Variants in SGCZ observed in about 807,000 individuals in gnomAD.
SGCZ encodes zeta-sarcoglycan.
In SGCZ, 40 loss-of-function variants were observed where a neutral mutation model predicts 41.3. The ratio of observed to expected loss-of-function variants is 0.97; its 90% CI spans 0.75 to 1.26. The LOEUF is 1.26. SGCZ is among the 50% of genes most tolerant of loss of function. The pLI is 0.00. For missense variants in SGCZ, 552 were observed against 369.8 expected (o/e 1.49, Z -4.04); for synonymous variants, 206 against 137.5 (o/e 1.50, Z -3.49).
chr8:14,477,927 G>C (rs1459123988), intron 2 of SGCZ, among the ~76,000 whole-genome samples: 1 of 152,114 alleles, frequency 6.6e-6, no homozygotes, highest in Admixed American at 6.5e-5. Flanking sequence ...TAGACTTTAA[G>C]GAACTCACTA....
At chr8:14,478,192 G>C (rs1413678776) in intron 2 of SGCZ, among the ~76,000 whole-genome samples, 3 of 152,178 alleles carry the variant, frequency 2.0e-5, no homozygotes, top group African/African-American at 7.2e-5. Flanking sequence ...ATGCCCCTTG[G>C]CATATACCCA....
chr8:14,651,458 C>A (rs1336959874), intron 1 of SGCZ, among the ~76,000 whole-genome samples: 2 of 152,028 alleles, frequency 1.3e-5, no homozygotes, highest in Non-Finnish European at 2.9e-5. Flanking sequence ...AAAACTTCCC[C>A]AAACAATAGA....
chr8:15,156,955 A>G (rs577063481), intron 1 of SGCZ, among the ~76,000 whole-genome samples: 16 of 151,834 alleles, frequency 1.1e-4, no homozygotes, highest in African/African-American at 3.4e-4. Flanking sequence ...AAAAAAAAAA[A>G]AAAAGAAAAG....
chr8:14,171,623 T>G (rs773339833), intron 4 of SGCZ, among the ~76,000 whole-genome samples: 1 of 152,034 alleles, frequency 6.6e-6, no homozygotes, highest in Non-Finnish European at 1.5e-5. Context: ...TTTTCTAACA[T>G]AAAAAATCGT....
At chr8:14,768,498 A>C (rs1800116801) in intron 1 of SGCZ, among the ~76,000 whole-genome samples, 1 of 152,230 alleles carries the variant, frequency 6.6e-6, no homozygotes, top group Non-Finnish European at 1.5e-5. Flanking sequence ...TATTTCTCCA[A>C]ACATAAAATG....
At chr8:15,169,944 T>G (rs1005370436) in intron 1 of SGCZ, among the ~76,000 whole-genome samples, 10 of 152,318 alleles carry the variant, frequency 6.6e-5, no homozygotes, top group African/African-American at 2.4e-4. Context: ...CTACGTAATT[T>G]CATCATAGAT....
chr8:14,362,193 A>C (rs1803543271), intron 2 of SGCZ, among the ~76,000 whole-genome samples: 1 of 152,130 alleles, frequency 6.6e-6, no homozygotes, highest in Admixed American at 6.5e-5. Flanking sequence ...CGCACACCAT[A>C]CTGGGAGAAG....
chr8:14,429,183 A>C (rs1001181640), intron 2 of SGCZ, among the ~76,000 whole-genome samples: 1 of 152,168 alleles, frequency 6.6e-6, no homozygotes, highest in Non-Finnish European at 1.5e-5. Flanking sequence ...AAACATAACA[A>C]ATAATAGTAT....
At chr8:15,063,786 T>A (rs1805025106) in intron 1 of SGCZ, among the ~76,000 whole-genome samples, 1 of 152,250 alleles carries the variant, frequency 6.6e-6, no homozygotes, top group Admixed American at 6.5e-5. Flanking sequence ...GGGATAGTTC[T>A]ACTTGAAATT....
intron 2 of SGCZ, among the ~76,000 whole-genome samples, chr8:14,508,323 T>C (rs1217296340): frequency 6.6e-6 from 1 of 152,180 alleles, no homozygotes; most frequent in Non-Finnish European, 1.5e-5. Context: ...ATTTGTTGAA[T>C]GAATGAGTAA....
At chr8:14,722,546 A>G (rs73529243) in intron 1 of SGCZ, among the ~76,000 whole-genome samples, 13,947 of 152,066 alleles carry the variant, frequency 0.092, 1,412 homozygotes, top group African/African-American at 0.25. Context: ...ATTTATATAC[A>G]TATATATTTA....
chr8:15,016,808 G>A lies in SGCZ; in HGVS notation c.39+220777C>T, dbSNP rs186842735. Among the ~76,000 whole-genome samples the A allele has an allele frequency of 7.9e-5, 12 of 152,160 alleles. No homozygotes were observed. In the East Asian group the frequency reaches 1.7e-3, roughly 22 times the overall value. On this transcript the variant is annotated intron_variant, in intron 1 of 7. Coordinates refer to ENST00000382080, the MANE Select transcript of SGCZ (RefSeq NM_139167.4). ...GGTGCCAGCATCTGCTTCTGGTGAG[G>A]GCCTCAGGAAGCTTTTACTCATGGT...
chr8:14,328,031 C>G (rs1193244177), intron 2 of SGCZ, among the ~76,000 whole-genome samples: 1 of 152,144 alleles, frequency 6.6e-6, no homozygotes, highest in East Asian at 1.9e-4. Flanking sequence ...TCTAATCGCA[C>G]TTCACTGTGT....
At chr8:14,577,306 T>C (rs68069632) in intron 1 of SGCZ, among the ~76,000 whole-genome samples, 36,137 of 151,808 alleles carry the variant, frequency 0.24, 4,397 homozygotes, top group Admixed American at 0.26. Context: ...TTTTATCTGA[T>C]CTGACAGATC....
rs138071033 is a variant in SGCZ at position 14,362,180 on chromosome 8, G to A, written c.235-37976C>T. 7.3e-3 allele frequency among the ~76,000 whole-genome samples: 1,110 copies of A among 152,272 alleles called. 9 individuals carry two copies. The highest frequency in any genetic ancestry group is 0.02 in the South Asian group (98 of 4,826). On this transcript the variant is annotated intron_variant, in intron 2 of 7. Transcript: ENST00000382080. Reference sequence around the variant, plus strand: ...AGGAGGCAGTCTGTCCATTATTGATGTTCGCACACCATACTGGGAGAAGCA... The same window carrying A: ...AGGAGGCAGTCTGTCCATTATTGATATTCGCACACCATACTGGGAGAAGCA...
intron 1 of SGCZ, among the ~76,000 whole-genome samples, chr8:14,672,525 A>G (rs938768164): frequency 1.3e-5 from 2 of 152,178 alleles, no homozygotes. Flanking sequence ...AAGATGAAAA[A>G]GGATGGTTCT....
intron 4 of SGCZ, among the ~76,000 whole-genome samples, chr8:14,215,416 G>A (rs1014166192): frequency 1.3e-5 from 2 of 151,986 alleles, no homozygotes; most frequent in African/African-American, 4.8e-5. Context: ...CTAGCAAAGA[G>A]GAGAGTAGTC....
At chr8:14,809,864 A>G (rs1801687326) in intron 1 of SGCZ, among the ~76,000 whole-genome samples, 1 of 152,104 alleles carries the variant, frequency 6.6e-6, no homozygotes, top group Admixed American at 6.6e-5. Flanking sequence ...AAGCCATAAG[A>G]AATGTTTTGA....
At chr8:14,934,649 G>A (rs1347767094) in intron 1 of SGCZ, among the ~76,000 whole-genome samples, 1 of 151,612 alleles carries the variant, frequency 6.6e-6, no homozygotes, top group African/African-American at 2.4e-5. Flanking sequence ...GCAAAATTAA[G>A]ACAGAATGAG....
Sources: allele counts gnomAD v4.1 joint callset (sites outside exome capture counted in the v4.1 genomes callset), GRCh38; gene constraint gnomAD v4.1.1; transcripts MANE v1.5; gene names NCBI Gene and HGNC (gene_info 2026-07-23, HGNC 2026-07-21).